DPP6: variants seen among roughly 807,000 people sequenced by gnomAD.
DPP6 encodes A-type potassium channel modulatory protein DPP6.
A neutral mutation model predicts 122.6 loss-of-function variants in DPP6; 69 were observed. That is an observed-to-expected ratio of 0.56 (90% CI 0.46 to 0.69). The LOEUF (loss-of-function observed/expected upper bound fraction) is 0.69. Ranked by LOEUF, DPP6 falls within the 30% of genes least tolerant of loss-of-function variation. DPP6 has a pLI of 0.00. For synonymous variants in DPP6, 418 were observed against 433.1 expected, an observed-to-expected ratio of 0.97 and a Z score of 0.43; for missense variants, 928 against 1,116.9, an observed-to-expected ratio of 0.83 and a Z score of 2.41.
chr7:154,322,986 C>A (rs892576461), intron 1 of DPP6, among the ~76,000 whole-genome samples: 3 of 152,060 alleles, frequency 2.0e-5, no homozygotes, highest in Middle Eastern at 3.2e-3. Flanking sequence ...TGGTATTACT[C>A]CAGTCAGACC....
chr7:154,031,118 C>A (rs1392073083), intron 1 of DPP6, among the ~76,000 whole-genome samples: 2 of 152,064 alleles, frequency 1.3e-5, no homozygotes, highest in Non-Finnish European at 2.9e-5. Context: ...TCCCCCAGGG[C>A]GAATACAATC....
intron 1 of DPP6, among the ~76,000 whole-genome samples, chr7:154,239,858 G>A (rs1421904981): frequency 1.3e-5 from 2 of 150,930 alleles, no homozygotes; most frequent in Non-Finnish European, 3.0e-5. Context: ...CAGGCATGGT[G>A]TTTCACACCT....
At position 153,987,902 on chromosome 7, in the gene DPP6, G is replaced by A. The variant is rs71530452; in HGVS notation, c.51+100168G>A. 1.2e-3 allele frequency among the ~76,000 whole-genome samples: 177 copies of A among 152,274 alleles called. 3 individuals carry two copies. The highest frequency in any genetic ancestry group is 9.2e-3 in the Admixed American group (141 of 15,298). ...GAGAGCGAGGCAGCAGCATAAATAC[G>A]TGGGGTGCTTTGTCACCGGCCAGTA... On this transcript the variant is annotated intron_variant, in intron 1 of 25. Transcript: ENST00000404039.
chr7:153,784,040 C>T, the DPP6 span, among the ~76,000 whole-genome samples: 2 of 152,142 alleles, frequency 1.3e-5, no homozygotes, highest in Non-Finnish European at 2.9e-5. Flanking sequence ...CAGTAGTTAC[C>T]CTATACATGT....
rs1231051920 is a variant in DPP6 at position 154,264,875 on chromosome 7, A to ATGATGGTGT, written c.244-181331_244-181330insTTGATGGTG. 7.4e-3 allele frequency among the ~76,000 whole-genome samples: 1,116 copies of ATGATGGTGT among 150,942 alleles called. 36 individuals are homozygous for ATGATGGTGT. Among genetic ancestry groups the ATGATGGTGT allele is most frequent in the African/African-American group, 0.024 (995 of 41,084 alleles). On this transcript the variant is annotated intron_variant, in intron 1 of 25. Coordinates refer to ENST00000377770, the MANE Select transcript of DPP6 (RefSeq NM_130797.4). ...GATAGTGATAATGATGGTGATCCTGATGATGGTGATAATGGTGATGATAAT... is the reference window on the plus strand; with the variant it reads ...GATAGTGATAATGATGGTGATCCTGATGATGGTGTTGATGGTGATAATGGTGATGATAAT...
At chr7:153,967,066 C>CACAAACAA (rs67268371) in intron 1 of DPP6, among the ~76,000 whole-genome samples, 1 of 147,588 alleles carries the variant, frequency 6.8e-6, no homozygotes, top group African/African-American at 2.7e-5. Flanking sequence ...GACCCTGTCT[C>CACAAACAA]ACAAACAAAC....
intron 3 of DPP6, among the ~76,000 whole-genome samples, chr7:154,536,834 G>A (rs1329657595): frequency 1.3e-5 from 2 of 152,120 alleles, no homozygotes; most frequent in African/African-American, 2.4e-5. Context: ...CTTATAGAGC[G>A]AATAATGACC....
chr7:154,327,249 G>T (rs1187560934), intron 1 of DPP6, among the ~76,000 whole-genome samples: 2 of 152,114 alleles, frequency 1.3e-5, no homozygotes, highest in African/African-American at 4.8e-5. Context: ...AATTATTAGG[G>T]TAAAAAGCCG....
At chr7:154,135,447 A>C (rs1795501950) in intron 1 of DPP6, among the ~76,000 whole-genome samples, 2 of 151,218 alleles carry the variant, frequency 1.3e-5, no homozygotes. Context: ...CCGTGAGCCC[A>C]CATTTCCTAT....
At chr7:154,299,708 T>C (rs563275988) in intron 1 of DPP6, among the ~76,000 whole-genome samples, 2 of 152,332 alleles carry the variant, frequency 1.3e-5, no homozygotes, top group South Asian at 4.1e-4. Flanking sequence ...CATTTTGATC[T>C]CTACCTTCCT....
intron 1 of DPP6, among the ~76,000 whole-genome samples, chr7:154,010,386 A>G (rs1297155293): frequency 1.3e-5 from 2 of 152,246 alleles, no homozygotes; most frequent in African/African-American, 4.8e-5. Flanking sequence ...AAAACTTTCC[A>G]CCCCAGACCA....
chr7:154,386,614 G>A (rs1272291240), intron 1 of DPP6, among the ~76,000 whole-genome samples: 2 of 152,130 alleles, frequency 1.3e-5, no homozygotes, highest in African/African-American at 2.4e-5. Context: ...AGTCCACCAG[G>A]AGGATCCAAC....
At chr7:154,489,424 G>T (rs886336058) in intron 3 of DPP6, among the ~76,000 whole-genome samples, 1 of 152,086 alleles carries the variant, frequency 6.6e-6, no homozygotes, top group Non-Finnish European at 1.5e-5. Flanking sequence ...CTAATATCCG[G>T]CACTTTGCAG....
At chr7:154,234,636 A>G (rs894259224) in intron 1 of DPP6, among the ~76,000 whole-genome samples, 7 of 152,048 alleles carry the variant, frequency 4.6e-5, no homozygotes, top group African/African-American at 1.4e-4. Context: ...AGACACACAC[A>G]TACACAGAAT....
intron 7 of DPP6, among the ~76,000 whole-genome samples, chr7:154,694,831 G>T (rs985813083): frequency 6.6e-6 from 1 of 152,096 alleles, no homozygotes; most frequent in Non-Finnish European, 1.5e-5. Flanking sequence ...CCGGGTAAGC[G>T]GGATGGTTGC....
chr7:153,938,124 G>C (rs1368014070), intron 1 of DPP6, among the ~76,000 whole-genome samples: 2 of 152,146 alleles, frequency 1.3e-5, no homozygotes, highest in Non-Finnish European at 2.9e-5. Context: ...TGCAAAATCT[G>C]ATCTCCTCCC....
intron 1 of DPP6, among the ~76,000 whole-genome samples, chr7:154,232,260 C>T (rs1800962176): frequency 6.6e-6 from 1 of 152,122 alleles, no homozygotes; most frequent in African/African-American, 2.4e-5. Flanking sequence ...AAACAGCAAT[C>T]AAGATTCCTT....
Position 154,879,226 on chromosome 7 carries a change from G to A in DPP6, c.2079-1662G>A, listed in dbSNP as rs553381571. ...GGGAGGCCCAGGTGGGCGGATCACC[G>A]GAGTCCAGGAGTTCAATCAAGACCA... is the stretch of plus-strand genomic sequence containing the variant. On this transcript the variant is annotated intron_variant, in intron 20 of 25. Coordinates refer to ENST00000377770, the MANE Select transcript of DPP6 (RefSeq NM_130797.4). Among the ~76,000 whole-genome samples, 40 of 151,490 alleles carry A rather than the reference G, an allele frequency of 2.6e-4. 5 individuals carry two copies. Among genetic ancestry groups the A allele is most frequent in the Admixed American group, 1.6e-3 (25 of 15,238 alleles).
chr7:154,579,724 G>T (rs1206083360), intron 5 of DPP6, among the ~76,000 whole-genome samples: 1 of 152,202 alleles, frequency 6.6e-6, no homozygotes, highest in Non-Finnish European at 1.5e-5. Context: ...AGGCAGATGG[G>T]CAGCAGGGAG....
Sources: allele counts gnomAD v4.1 joint callset (sites outside exome capture counted in the v4.1 genomes callset), GRCh38; gene constraint gnomAD v4.1.1; transcripts MANE v1.5; gene names NCBI Gene and HGNC (gene_info 2026-07-23, HGNC 2026-07-21).